ENTPD5: variants seen among roughly 807,000 people sequenced by gnomAD.
ENTPD5 encodes ectonucleoside triphosphate diphosphohydrolase 5 (inactive).
Under a neutral mutation model 60.2 loss-of-function variants are expected in ENTPD5, and 49 were observed. The ratio of observed to expected loss-of-function variants is 0.81; its 90% CI spans 0.65 to 1.03. ENTPD5 has a LOEUF of 1.03. Among genes scored for constraint, ENTPD5 ranks in the 50% least tolerant of loss-of-function variants. The pLI is 0.00. For missense variants in ENTPD5, 480 were observed against 507.6 expected, an observed-to-expected ratio of 0.95 and a Z score of 0.52; for synonymous variants, 187 against 185.4, an observed-to-expected ratio of 1.01 and a Z score of -0.07.
intron 5 of ENTPD5, among the ~76,000 whole-genome samples, chr14:73,984,374 T>A (rs1030736418): frequency 6.6e-6 from 1 of 152,218 alleles, no homozygotes; most frequent in African/African-American, 2.4e-5. Context: ...ACTAAACTGT[T>A]GTGTGCATGA....
intron 5 of ENTPD5, among the ~76,000 whole-genome samples, chr14:73,985,497 G>A (rs560769751): frequency 6.6e-6 from 1 of 152,204 alleles, no homozygotes; most frequent in Non-Finnish European, 1.5e-5. Flanking sequence ...GGCCAGTGAT[G>A]ATGAGCATTT....
In ENTPD5 at chr14:73,974,979, C is replaced by T. The variant is rs1351898587; in HGVS notation, c.729G>A (p.Leu243=). The T allele has an allele frequency of 1.2e-6, 2 of 1,612,760 alleles. No homozygotes were observed. The highest frequency in any genetic ancestry group is 2.7e-5 in the African/African-American group (2 of 74,904). The change falls in exon 11 of 16, where the codon CTG becomes CTA. Residue 243 remains leucine (L), a synonymous_variant. Transcript: ENST00000334696. ...STYKLYTHSY[L]GFGLKAARLA... ...GTCTTGCAGCTTTCAATCCAAATCC[C>T]AGGTAACTGTAAAATACAGGATTGA... is the stretch of plus-strand genomic sequence containing the variant.
intron 3 of ENTPD5, among the ~76,000 whole-genome samples, chr14:73,993,761 T>C (rs958781714): frequency 2.0e-5 from 3 of 151,694 alleles, no homozygotes; most frequent in African/African-American, 7.3e-5. Context: ...TCTGTGTGAC[T>C]GCAGTTTCTT....
intron 1 of ENTPD5, among the ~76,000 whole-genome samples, chr14:74,017,028 G>T (rs2059033933): frequency 1.3e-5 from 2 of 152,168 alleles, no homozygotes; most frequent in Non-Finnish European, 2.9e-5. Flanking sequence ...CTCAGAAAAA[G>T]CTATGATCGG....
chr14:74,019,235 C>A lies in ENTPD5; in HGVS notation c.-238+15G>T, dbSNP rs1299042698. The A allele has an allele frequency of 5.4e-6, 1 of 185,446 alleles. No individual in the cohort carries two copies. The highest frequency in any genetic ancestry group is 1.0e-5 in the Non-Finnish European group (1 of 97,812). 11.5% of individuals were successfully genotyped at this position (185,446 alleles called of 1,614,324 possible). On this transcript the variant is annotated intron_variant, in intron 1 of 15. Coordinates refer to ENST00000334696, the MANE Select transcript of ENTPD5 (RefSeq NM_001249.5). ...CACGTAGAGGATCCGGCGCCGCCGA[C>A]ACTCGCACACTCACCGCGCGCGCGC...
chr14:74,010,881 C>A (rs2058828744), intron 3 of ENTPD5, among the ~76,000 whole-genome samples: 1 of 152,134 alleles, frequency 6.6e-6, no homozygotes, highest in Non-Finnish European at 1.5e-5. Flanking sequence ...GGATGTAAAT[C>A]AGGAAGCCAT....
downstream of ENTPD5, chr14:73,958,323 C>G (rs909980926): frequency 5.0e-6 from 8 of 1,612,278 alleles, no homozygotes; most frequent in Non-Finnish European, 6.8e-6. Context: ...ATATCTACAT[C>G]TTATCCTAGA....
intron 13 of ENTPD5, among the ~76,000 whole-genome samples, chr14:73,972,161 G>A (rs908320572): frequency 2.6e-5 from 4 of 151,514 alleles, no homozygotes; most frequent in Non-Finnish European, 4.4e-5. Context: ...GGCAGATAAC[G>A]AGGTCAGGAG....
chr14:73,962,920 T>C (rs1164833036), downstream of ENTPD5: 1 of 1,427,526 alleles, frequency 7.0e-7, no homozygotes, highest in Non-Finnish European at 9.9e-7. Flanking sequence ...ATAATTATTT[T>C]CTTCACCTTA....
chr14:73,955,793 T>C (rs374718643), downstream of ENTPD5: 3 of 1,614,078 alleles, frequency 1.9e-6, no homozygotes, highest in African/African-American at 4.0e-5. Flanking sequence ...GACTTTCCTT[T>C]TGTGTTTCCA....
chr14:73,959,461 A>G, downstream of ENTPD5: 4 of 1,614,230 alleles, frequency 2.5e-6, no homozygotes, highest in South Asian at 3.3e-5. Flanking sequence ...TCCCATGAAC[A>G]TGCAGCAGAG....
Position 73,988,219 on chromosome 14 carries a change from T to C in ENTPD5, c.-70-47A>G, listed in dbSNP as rs902821884. The C allele has an allele frequency of 7.6e-6, 11 of 1,448,476 alleles. No homozygotes were observed. In the African/African-American group the frequency reaches 1.3e-4, roughly 17 times the overall value. 89.7% of individuals were successfully genotyped at this position (1,448,476 alleles called of 1,614,324 possible). On this transcript the variant is annotated intron_variant, in intron 3 of 15. Transcript: ENST00000334696. ...AGTTAGACCAACTAGCTTTTTTAGTTACACCTGTAAAAGAAGAAACACTCA... is the reference window on the plus strand; with the variant it reads ...AGTTAGACCAACTAGCTTTTTTAGTCACACCTGTAAAAGAAGAAACACTCA...
chr14:73,972,018 CTAATT>C lies in ENTPD5; in HGVS notation c.1028-115_1028-111del, dbSNP rs533134769. ...ATGTACATAATGTAATCTATGCAACCTAATTTACTTATTTACAATCTATTCCATGT... is the reference window on the plus strand; with the variant it reads ...ATGTACATAATGTAATCTATGCAACCTACTTATTTACAATCTATTCCATGT... On this transcript the variant is annotated intron_variant, in intron 13 of 15. Coordinates refer to ENST00000334696, the MANE Select transcript of ENTPD5 (RefSeq NM_001249.5). 41 of 736,886 alleles carry C rather than the reference CTAATT, an allele frequency of 5.6e-5. No individual in the cohort carries two copies. The South Asian group carries it at 6.2e-4, about 11-fold the overall frequency. The allele number at this position is 736,886 out of a possible 1,614,324, so 45.6% of individuals were successfully genotyped here.
chr14:73,999,586 G>T (rs1333283466), intron 3 of ENTPD5, among the ~76,000 whole-genome samples: 1 of 151,980 alleles, frequency 6.6e-6, no homozygotes, highest in Non-Finnish European at 1.5e-5. Context: ...ATGAGGTCAG[G>T]AGTTTGAGAC....
downstream of ENTPD5, chr14:73,960,447 A>G (rs1186999086): frequency 8.1e-6 from 8 of 989,320 alleles, no homozygotes; most frequent in African/African-American, 3.5e-5. Context: ...CTTCACACCA[A>G]AGACTCCACT....
At chr14:74,006,679 G>A (rs1370395175) in intron 3 of ENTPD5, among the ~76,000 whole-genome samples, 1 of 151,006 alleles carries the variant, frequency 6.6e-6, no homozygotes, top group Non-Finnish European at 1.5e-5. Flanking sequence ...TTCACCTCCT[G>A]AGCTCAAATG....
In ENTPD5 at chr14:73,974,915, C is replaced by G. The variant is rs1280653418; in HGVS notation, c.784+9G>C. On this transcript the variant is annotated intron_variant, in intron 11 of 15. Transcript: ENST00000334696. ...ACCATCCCCCCCCAGCACAGGTACC[C>G]AGACAAACCTTCTGTCTCCAGGGCT... The G allele has an allele frequency of 6.2e-7, 1 of 1,611,334 alleles. No individual in the cohort carries two copies. Among genetic ancestry groups the G allele is most frequent in the South Asian group, 1.1e-5 (1 of 90,980 alleles).
At chr14:73,956,033 A>G, downstream of ENTPD5, 1 of 1,540,762 alleles carries the variant, frequency 6.5e-7, no homozygotes. Flanking sequence ...CCATAAAGAA[A>G]TCCTCTGATG....
intron 12 of ENTPD5, 85 bp downstream of exon 12, chr14:73,973,790 CTT>C (rs1156911320): frequency 2.6e-6 from 3 of 1,141,366 alleles, no homozygotes; most frequent in Non-Finnish European, 4.0e-6. Flanking sequence ...ATAAGCTTCT[CTT>C]GAGTTCTGGA....
Sources: gnomAD v4.1 joint callset for allele counts (sites outside exome capture counted in the v4.1 genomes callset) on GRCh38, gnomAD v4.1.1 for gene constraint, MANE v1.5 for transcripts, NCBI Gene and HGNC (gene_info 2026-07-23, HGNC 2026-07-21) for gene names.